The following ASTN2 variants were observed in gnomAD, a reference collection of about 807,000 sequenced individuals.
ASTN2 encodes astrotactin 2.
Under a neutral mutation model 139.8 loss-of-function variants are expected in ASTN2, and 54 were observed. The observed-to-expected ratio is 0.39, with a 90% confidence interval of 0.31 to 0.48. ASTN2 has a LOEUF of 0.48. Among genes scored for constraint, ASTN2 ranks in the 20% least tolerant of loss-of-function variants. The pLI is 0.95. For synonymous variants in ASTN2, 756 were observed against 719.5 expected (o/e 1.05, Z -0.81); for missense variants, 1,565 against 1,725.1 (o/e 0.91, Z 1.64).
intron 5 of ASTN2, among the ~76,000 whole-genome samples, chr9:117,040,347 A>T (rs1838522251): frequency 6.6e-6 from 1 of 152,204 alleles, no homozygotes; most frequent in Non-Finnish European, 1.5e-5. Flanking sequence ...AATTCAGTAG[A>T]GTCTAGTGAA....
At chr9:116,859,720 G>A (rs1396840038) in intron 11 of ASTN2, among the ~76,000 whole-genome samples, 2 of 152,226 alleles carry the variant, frequency 1.3e-5, no homozygotes, top group Non-Finnish European at 2.9e-5. Flanking sequence ...ATGAGGGGGT[G>A]CAGAATATCA....
At chr9:116,552,570 C>A (rs1180500531) in intron 19 of ASTN2, among the ~76,000 whole-genome samples, 1 of 152,140 alleles carries the variant, frequency 6.6e-6, no homozygotes, top group Non-Finnish European at 1.5e-5. Flanking sequence ...CTAGTCCACA[C>A]ACATTATTTT....
At chr9:117,207,439 C>T (rs1363947003) in intron 3 of ASTN2, among the ~76,000 whole-genome samples, 2 of 151,416 alleles carry the variant, frequency 1.3e-5, no homozygotes, top group Non-Finnish European at 2.9e-5. Flanking sequence ...GGGTTGTCCC[C>T]CTCAGACACA....
At chr9:116,731,141 GA>G (rs1828767232) in intron 14 of ASTN2, among the ~76,000 whole-genome samples, 1 of 150,860 alleles carries the variant, frequency 6.6e-6, no homozygotes. Flanking sequence ...ATTATGGTTG[GA>G]ATGAAGCTAT....
At chr9:117,200,532 T>C (rs1317383074) in intron 3 of ASTN2, among the ~76,000 whole-genome samples, 1 of 152,202 alleles carries the variant, frequency 6.6e-6, no homozygotes. Context: ...TTGACATATG[T>C]TCCATCAATA....
chr9:116,824,635 C>T (rs1831576008), intron 11 of ASTN2, among the ~76,000 whole-genome samples: 1 of 152,190 alleles, frequency 6.6e-6, no homozygotes, highest in African/African-American at 2.4e-5. Context: ...CACATAGAAG[C>T]TGCTTTTGAA....
intron 1 of ASTN2, among the ~76,000 whole-genome samples, chr9:117,330,776 A>C (rs1043327992): frequency 6.6e-6 from 1 of 152,198 alleles, no homozygotes; most frequent in Non-Finnish European, 1.5e-5. Flanking sequence ...GCTAGTTGTA[A>C]CCATGAAACT....
At chr9:117,268,773 A>G (rs777115022) in intron 2 of ASTN2, among the ~76,000 whole-genome samples, 1 of 152,186 alleles carries the variant, frequency 6.6e-6, no homozygotes, top group Non-Finnish European at 1.5e-5. Flanking sequence ...ACAATGTGAC[A>G]TTAGACAAGC....
intron 3 of ASTN2, among the ~76,000 whole-genome samples, chr9:117,199,950 A>G (rs1395532885): frequency 6.6e-6 from 1 of 151,872 alleles, no homozygotes; most frequent in East Asian, 1.9e-4. Context: ...TTGCCTATTC[A>G]TGTAAAGGAA....
At chr9:116,679,440 GT>G (rs1393766348) in intron 16 of ASTN2, among the ~76,000 whole-genome samples, 11 of 152,192 alleles carry the variant, frequency 7.2e-5, no homozygotes, top group African/African-American at 2.6e-4. Flanking sequence ...ACTGGCGTAT[GT>G]TCCGAAATTA....
At chr9:117,050,197 A>T (rs1838874122) in intron 5 of ASTN2, among the ~76,000 whole-genome samples, 1 of 152,130 alleles carries the variant, frequency 6.6e-6, no homozygotes, top group Admixed American at 6.5e-5. Context: ...AGTGCTGAGG[A>T]ACAGAGCAAA....
intron 1 of ASTN2, among the ~76,000 whole-genome samples, chr9:117,313,312 C>T (rs1284131424): frequency 6.6e-6 from 1 of 152,168 alleles, no homozygotes; most frequent in Admixed American, 6.5e-5. Context: ...ATCATATTTA[C>T]TAAGCTCCAG....
In ASTN2 at chr9:117,291,316, C is replaced by A. The variant is rs756501279; in HGVS notation, c.630+10G>T. On this transcript the variant is annotated intron_variant, in intron 2 of 22. Coordinates refer to ENST00000313400, the MANE Select transcript of ASTN2 (RefSeq NM_001365068.1). ...ATCCCCGACCCCGGTCACATCCCCC[C>A]ATCACTCACCATCACAGAAATGTGG... 1.4e-5 allele frequency: 23 copies of A among 1,613,712 alleles called. No individual in the cohort carries two copies. Among genetic ancestry groups the A allele is most frequent in the Middle Eastern group, 1.7e-4 (1 of 6,004 alleles).
chr9:117,322,239 A>G (rs1053118845), intron 1 of ASTN2, among the ~76,000 whole-genome samples: 1 of 152,042 alleles, frequency 6.6e-6, no homozygotes, highest in Non-Finnish European at 1.5e-5. Flanking sequence ...ATCCCTCTGC[A>G]CTCTTGAACA....
chr9:117,119,193 T>A (rs927072429), intron 4 of ASTN2, among the ~76,000 whole-genome samples: 3 of 152,172 alleles, frequency 2.0e-5, no homozygotes, highest in African/African-American at 7.2e-5. Context: ...GCCTGCCCTC[T>A]CAAAACAGAA....
chr9:116,884,809 C>T lies in ASTN2; in HGVS notation c.1890-21076G>A, dbSNP rs944205976. On this transcript the variant is annotated intron_variant, in intron 10 of 22. Transcript: ENST00000313400. Reference sequence around the variant, plus strand: ...TGTCAATCTCCAAATATCCGCCCCCCCCCCACCCACTTTTTTTTTTTTTTG... The same window carrying T: ...TGTCAATCTCCAAATATCCGCCCCCTCCCCACCCACTTTTTTTTTTTTTTG... 8.9e-4 allele frequency among the ~76,000 whole-genome samples: 109 copies of T among 122,356 alleles called. 6 individuals carry two copies. The highest frequency in any genetic ancestry group is 1.5e-3 in the Non-Finnish European group (91 of 59,726). The allele number at this position is 122,356 out of a possible 152,430, so 80.3% of individuals were successfully genotyped here. A position where few individuals can be genotyped will look rare whatever the true frequency, so the allele number is the denominator to read the frequency against.
At chr9:116,492,464 T>C (rs1849545466) in intron 19 of ASTN2, among the ~76,000 whole-genome samples, 1 of 152,190 alleles carries the variant, frequency 6.6e-6, no homozygotes, top group Admixed American at 6.5e-5. Flanking sequence ...CTTCTCTTTT[T>C]ACAGGTGACA....
intron 5 of ASTN2, among the ~76,000 whole-genome samples, chr9:117,073,592 T>C (rs1193447188): frequency 6.6e-6 from 1 of 152,214 alleles, no homozygotes; most frequent in Non-Finnish European, 1.5e-5. Flanking sequence ...GTTGGATTCA[T>C]CTTGTATCTC....
At chr9:117,226,883 A>T (rs573779983) in intron 2 of ASTN2, among the ~76,000 whole-genome samples, 1 of 152,344 alleles carries the variant, frequency 6.6e-6, no homozygotes, top group South Asian at 2.1e-4. Flanking sequence ...TTGCAGATTC[A>T]CAGGGCTGAT....
Sources: gnomAD v4.1 joint callset for allele counts (sites outside exome capture counted in the v4.1 genomes callset) on GRCh38, gnomAD v4.1.1 for gene constraint, MANE v1.5 for transcripts, NCBI Gene and HGNC (gene_info 2026-07-23, HGNC 2026-07-21) for gene names.